Variants in RNF150 observed in about 807,000 individuals in gnomAD.
RNF150 encodes the protein ring finger protein 150.
Under a neutral mutation model 39.3 loss-of-function variants are expected in RNF150, and 24 were observed. The ratio of observed to expected loss-of-function variants is 0.61; its 90% confidence interval spans 0.44 to 0.86. The LOEUF is 0.86. RNF150 is among the 40% of genes least tolerant of loss of function. The probability of loss-of-function intolerance (pLI) is 0.00; values close to 1 mark genes in which losing one functional copy is unlikely to be tolerated. For synonymous variants in RNF150, 255 were observed against 227.3 expected (o/e 1.12, Z -1.10); for missense variants, 502 against 587.8 (o/e 0.85, Z 1.51).
intron 1 of RNF150, among the ~76,000 whole-genome samples, chr4:141,151,344 C>G (rs1578768406): frequency 1.3e-5 from 2 of 151,362 alleles, no homozygotes; most frequent in East Asian, 1.9e-4. Context: ...CCTGTAATCC[C>G]AGGGACTCAA....
upstream of RNF150, among the ~76,000 whole-genome samples, chr4:141,134,488 T>C (rs1031849707): frequency 2.0e-5 from 3 of 152,180 alleles, no homozygotes; most frequent in African/African-American, 4.8e-5. Context: ...AAGGCTGCCT[T>C]TTCCCCAGGA....
At chr4:140,929,995 T>C (rs1231942162) in intron 4 of RNF150, among the ~76,000 whole-genome samples, 1 of 152,136 alleles carries the variant, frequency 6.6e-6, no homozygotes, top group Non-Finnish European at 1.5e-5. Context: ...ACCCTGTCTC[T>C]ACTAAAAATG....
intron 2 of RNF150, among the ~76,000 whole-genome samples, chr4:140,958,332 A>G (rs548349202): frequency 1.3e-5 from 2 of 152,182 alleles, no homozygotes; most frequent in East Asian, 3.9e-4. Flanking sequence ...CTAAAGCCGG[A>G]AAGGGCCAGC....
At chr4:140,958,455 G>A (rs1005629721) in intron 2 of RNF150, among the ~76,000 whole-genome samples, 3 of 152,150 alleles carry the variant, frequency 2.0e-5, no homozygotes, top group Admixed American at 6.6e-5. Context: ...AGGTGGCTTC[G>A]TCTGGTGGAA....
At chr4:141,025,952 G>A (rs539218812) in intron 1 of RNF150, among the ~76,000 whole-genome samples, 3 of 152,238 alleles carry the variant, frequency 2.0e-5, no homozygotes, top group African/African-American at 7.2e-5. Context: ...GAGTGGAGCC[G>A]TCATGAACTG....
intron 1 of RNF150, among the ~76,000 whole-genome samples, chr4:141,090,564 A>G (rs976302407): frequency 1.3e-5 from 2 of 152,192 alleles, no homozygotes; most frequent in African/African-American, 2.4e-5. Context: ...GCTCATGACC[A>G]CCAACTCAAA....
Position 141,092,343 on chromosome 4 carries a change from C to CAA in RNF150, c.484+39980_484+39981dup, listed in dbSNP as rs34129355. On this transcript the variant is annotated intron_variant, in intron 1 of 6. Transcript: ENST00000515673. ...GGGCAACAGAGCAAGACTCCCTGTA[C>CAA]AAAAAAAAAAAGGAAAAAACTCTCA... 9.5e-5 allele frequency among the ~76,000 whole-genome samples: 13 copies of CAA among 136,746 alleles called. No individual in the cohort carries two copies. The East Asian group carries it at 1.3e-3, about 14-fold the overall frequency. The allele number at this position is 136,746 out of a possible 152,430, so 89.7% of individuals were successfully genotyped here.
At chr4:141,031,683 A>C (rs2110826631) in intron 1 of RNF150, among the ~76,000 whole-genome samples, 1 of 152,286 alleles carries the variant, frequency 6.6e-6, no homozygotes, top group Non-Finnish European at 1.5e-5. Flanking sequence ...GATAAATGCA[A>C]ATTAAAACCA....
intron 6 of RNF150, among the ~76,000 whole-genome samples, chr4:140,885,195 A>G (rs1298462650): frequency 7.0e-6 from 1 of 142,764 alleles, no homozygotes; most frequent in African/African-American, 2.6e-5. Flanking sequence ...TTTTTCCAAC[A>G]TCAGTCTTTT....
intron 1 of RNF150, among the ~76,000 whole-genome samples, chr4:140,970,124 C>A (rs1488542827): frequency 6.6e-6 from 1 of 152,092 alleles, no homozygotes; most frequent in Non-Finnish European, 1.5e-5. Context: ...AGTTTTGATA[C>A]TCTTTAGAAC....
chr4:141,057,587 C>T (rs557543412), intron 1 of RNF150, among the ~76,000 whole-genome samples: 19 of 152,036 alleles, frequency 1.2e-4, no homozygotes, highest in Non-Finnish European at 2.8e-4. Context: ...TTATATATCT[C>T]TTATGACTTT....
At chr4:141,196,131 C>T (rs1728197211) in intron 1 of RNF150, among the ~76,000 whole-genome samples, 1 of 152,120 alleles carries the variant, frequency 6.6e-6, no homozygotes, top group African/African-American at 2.4e-5. Context: ...TTGGATGGGG[C>T]TCAAAATAGA....
rs546009713 is a variant in RNF150, at chr4:141,093,563, C to T, written c.484+38762G>A. Among the ~76,000 whole-genome samples the T allele has an allele frequency of 3.9e-5, 6 of 152,320 alleles. No individual in the cohort carries two copies. In the South Asian group the frequency reaches 1.2e-3, roughly 32 times the overall value. On this transcript the variant is annotated intron_variant, in intron 1 of 6. Transcript: ENST00000515673. ...ATTCCCCACCACAGGCACAGATTTA[C>T]ATGGACGGGACTTAAGTTGACCCTC...
intron 2 of RNF150, among the ~76,000 whole-genome samples, chr4:140,957,826 C>A (rs180812506): frequency 6.7e-6 from 1 of 149,774 alleles, no homozygotes; most frequent in East Asian, 2.0e-4. Flanking sequence ...CGCATATTCT[C>A]TCTCATAGGT....
intron 1 of RNF150, among the ~76,000 whole-genome samples, chr4:141,130,290 G>A (rs1484071800): frequency 6.6e-6 from 1 of 152,210 alleles, no homozygotes; most frequent in Non-Finnish European, 1.5e-5. Context: ...GCCTCTGACT[G>A]AAGTGAACAG....
At chr4:140,986,901 C>T (rs1384598236) in intron 1 of RNF150, among the ~76,000 whole-genome samples, 1 of 151,932 alleles carries the variant, frequency 6.6e-6, no homozygotes, top group Non-Finnish European at 1.5e-5. Context: ...GGCTCTTAGA[C>T]CTGATAAATG....
rs924084461 is a variant in RNF150, at chr4:140,866,150, T to A, written c.*2111A>T. On this transcript the variant is annotated 3_prime_UTR_variant, in exon 7 of 7. Transcript: ENST00000515673. Reference sequence around the variant, plus strand: ...AAAACTTCAATCATTTAGATTTTCATTCTCAGCACCATAGTTGTGCCAAGT... The same window carrying A: ...AAAACTTCAATCATTTAGATTTTCAATCTCAGCACCATAGTTGTGCCAAGT... The A allele has an allele frequency of 3.3e-5, 5 of 152,374 alleles. No homozygotes were observed. In the South Asian group the frequency reaches 1.0e-3, roughly 32 times the overall value. The allele number at this position is 152,374 out of a possible 1,614,324, so 9.4% of individuals were successfully genotyped here. A position where few individuals can be genotyped will look rare whatever the true frequency, so the allele number is the denominator to read the frequency against.
intron 1 of RNF150, among the ~76,000 whole-genome samples, chr4:141,012,803 G>C (rs1487014554): frequency 2.3e-5 from 1 of 43,668 alleles, no homozygotes; most frequent in Admixed American, 2.3e-4. Context: ...AAAAAAAAAA[G>C]GCATCCCCTA....
chr4:140,983,019 C>CT (rs1412841241), intron 1 of RNF150, among the ~76,000 whole-genome samples: 1 of 152,090 alleles, frequency 6.6e-6, no homozygotes, highest in Non-Finnish European at 1.5e-5. Context: ...TCAGCAGAAA[C>CT]TTTATGACCA....
Sources: gnomAD v4.1 joint callset for allele counts (sites outside exome capture counted in the v4.1 genomes callset) on GRCh38, gnomAD v4.1.1 for gene constraint, MANE v1.5 for transcripts, NCBI Gene and HGNC (gene_info 2026-07-23, HGNC 2026-07-21) for gene names.